The following BMPR1A variants were observed in gnomAD, a reference collection of about 807,000 sequenced individuals.
BMPR1A encodes bone morphogenetic protein receptor type-1A.
A neutral mutation model predicts 66.0 loss-of-function variants in BMPR1A; 7 were observed. The ratio of observed to expected loss-of-function variants is 0.11; its 90% CI spans 0.06 to 0.20. The LOEUF (loss-of-function observed/expected upper bound fraction) is 0.20. Ranked by LOEUF, BMPR1A falls within the 10% of genes least tolerant of loss-of-function variation. The pLI, the probability that BMPR1A is intolerant of heterozygous loss-of-function variation, is 1.00. For missense variants in BMPR1A, 408 were observed against 669.1 expected, an observed-to-expected ratio of 0.61 and a Z score of 4.31; for synonymous variants, 200 against 229.7, an observed-to-expected ratio of 0.87 and a Z score of 1.17.
At chr10:86,781,390 G>C (rs1841435228) in intron 1 of BMPR1A, among the ~76,000 whole-genome samples, 1 of 152,110 alleles carries the variant, frequency 6.6e-6, no homozygotes, top group African/African-American at 2.4e-5. Context: ...ATTAGTGTAT[G>C]TATCTGTTTT....
At chr10:86,760,193 T>TG (rs1298553424) in intron 1 of BMPR1A, among the ~76,000 whole-genome samples, 40 of 148,966 alleles carry the variant, frequency 2.7e-4, no homozygotes, top group African/African-American at 8.1e-4. Flanking sequence ...TACCTGTTTT[T>TG]TTTTTTTTTT....
intron 1 of BMPR1A, among the ~76,000 whole-genome samples, chr10:86,794,457 A>G (rs11202185): frequency 0.33 from 50,471 of 152,044 alleles, 9,547 homozygotes; most frequent in East Asian, 0.69. Context: ...ATTTCTACCA[A>G]TCTTTTTGTG....
At chr10:86,916,022 T>C (rs1043962320) in intron 8 of BMPR1A, among the ~76,000 whole-genome samples, 2 of 152,212 alleles carry the variant, frequency 1.3e-5, no homozygotes, top group African/African-American at 4.8e-5. Context: ...AAGTTATGAT[T>C]GTGTTAAGCG....
chr10:86,827,330 A>G (rs539233507), intron 1 of BMPR1A, among the ~76,000 whole-genome samples: 1 of 151,862 alleles, frequency 6.6e-6, no homozygotes, highest in Admixed American at 6.6e-5. Context: ...TTGAGATGTC[A>G]TTTATGTTGA....
rs11450437 is a variant in BMPR1A at position 86,925,721 on chromosome 10, C to CTTTTTTTTT, written c.*2011_*2019dup. On this transcript the variant is annotated 3_prime_UTR_variant, in exon 13 of 13. Transcript: ENST00000372037. ...CATAATCTTTAAAATCATTTGTCAT[C>CTTTTTTTTT]TTTTTTTTTTTTTTTTTGAGACGGA... is the stretch of plus-strand genomic sequence containing the variant. 4.4e-4 allele frequency: 51 copies of CTTTTTTTTT among 117,088 alleles called. 6 individuals carry two copies. The highest frequency in any genetic ancestry group is 2.0e-3 in the East Asian group (7 of 3,450). The allele number at this position is 117,088 out of a possible 1,614,324, so 7.3% of individuals were successfully genotyped here.
At chr10:86,879,199 A>C (rs956146522) in intron 3 of BMPR1A, among the ~76,000 whole-genome samples, 5 of 152,180 alleles carry the variant, frequency 3.3e-5, no homozygotes, top group African/African-American at 1.2e-4. Flanking sequence ...GGCTGCTGAG[A>C]GACTAGACAT....
At chr10:86,796,426 TACTA>T (rs1260285085) in intron 1 of BMPR1A, among the ~76,000 whole-genome samples, 1 of 152,084 alleles carries the variant, frequency 6.6e-6, no homozygotes, top group Non-Finnish European at 1.5e-5. Context: ...TCAATTTACT[TACTA>T]CCCTTCTGAA....
chr10:86,835,497 G>A (rs186147173), intron 1 of BMPR1A, among the ~76,000 whole-genome samples: 198 of 131,138 alleles, frequency 1.5e-3, no homozygotes, highest in African/African-American at 5.5e-3. Flanking sequence ...GTTGCAGTGA[G>A]CTGAGATCGT....
At chr10:86,886,175 C>T (rs1451580242) in intron 3 of BMPR1A, among the ~76,000 whole-genome samples, 1 of 152,160 alleles carries the variant, frequency 6.6e-6, no homozygotes, top group Non-Finnish European at 1.5e-5. Flanking sequence ...ATGTTCAGAA[C>T]TGACAGAAGG....
rs1196614869 is a variant in BMPR1A at position 86,841,221 on chromosome 10, C to CA, written c.-153+2248dup. 3.3e-5 allele frequency among the ~76,000 whole-genome samples: 5 copies of CA among 151,996 alleles called. No individual in the cohort carries two copies. The East Asian group carries it at 7.7e-4, about 23-fold the overall frequency. The stretch of plus-strand genomic sequence containing the variant: ...ATAAAAACAGGTTCCTAGCTATACT[C>CA]AAAAAATAGTCTTTCTAGGGTTGGA... On this transcript the variant is annotated intron_variant, in intron 2 of 12. Transcript: ENST00000372037.
chr10:86,926,918 G>C lies in BMPR1A; in HGVS notation c.*3199G>C. 5.2e-6 allele frequency: 1 copy of C among 192,228 alleles called. No individual in the cohort carries two copies. The highest frequency in any genetic ancestry group is 1.1e-5 in the Non-Finnish European group (1 of 92,052). The allele number at this position is 192,228 out of a possible 1,614,324, so 11.9% of individuals were successfully genotyped here. ...GGCACATTAGGGTTTCCTTCAGTTTGTTTATTCTAAGCTTTTACTGTGCTT... is the reference window on the plus strand; with the variant it reads ...GGCACATTAGGGTTTCCTTCAGTTTCTTTATTCTAAGCTTTTACTGTGCTT... On this transcript the variant is annotated 3_prime_UTR_variant, in exon 13 of 13. Coordinates refer to ENST00000372037, the MANE Select transcript of BMPR1A (RefSeq NM_004329.3).
chr10:86,822,447 T>C (rs1017016364), intron 1 of BMPR1A, among the ~76,000 whole-genome samples: 1 of 152,176 alleles, frequency 6.6e-6, no homozygotes, highest in Non-Finnish European at 1.5e-5. Flanking sequence ...ACAACCATTA[T>C]CACAGTCATG....
At chr10:86,851,203 G>T (rs1275954872) in intron 2 of BMPR1A, among the ~76,000 whole-genome samples, 3 of 152,150 alleles carry the variant, frequency 2.0e-5, no homozygotes, top group Non-Finnish European at 4.4e-5. Context: ...GTTACTGTAA[G>T]ATCTAGAGAT....
At chr10:86,819,587 C>T (rs1173691680) in intron 1 of BMPR1A, among the ~76,000 whole-genome samples, 2 of 152,220 alleles carry the variant, frequency 1.3e-5, no homozygotes, top group African/African-American at 4.8e-5. Context: ...GCGTGAGCCA[C>T]CGTGCCCGGC....
At chr10:86,798,235 A>G (rs1799004632) in intron 1 of BMPR1A, among the ~76,000 whole-genome samples, 1 of 152,114 alleles carries the variant, frequency 6.6e-6, no homozygotes, top group South Asian at 2.1e-4. Context: ...TTACTACCGT[A>G]TGACATTTTA....
At chr10:86,873,098 G>T (rs956210470) in intron 2 of BMPR1A, among the ~76,000 whole-genome samples, 1 of 152,152 alleles carries the variant, frequency 6.6e-6, no homozygotes, top group African/African-American at 2.4e-5. Context: ...GCTCTGCAGG[G>T]TGCCTTGGTT....
chr10:86,775,297 T>C (rs1327226843), intron 1 of BMPR1A, among the ~76,000 whole-genome samples: 1 of 152,244 alleles, frequency 6.6e-6, no homozygotes, highest in African/African-American at 2.4e-5. Flanking sequence ...GTCTGTTACA[T>C]CTGATAAAAC....
intron 1 of BMPR1A, among the ~76,000 whole-genome samples, chr10:86,835,195 A>G (rs1364317388): frequency 6.6e-6 from 1 of 151,020 alleles, no homozygotes; most frequent in African/African-American, 2.4e-5. Flanking sequence ...TGACCGTGCC[A>G]CTGCACTCCA....
intron 3 of BMPR1A, among the ~76,000 whole-genome samples, chr10:86,883,039 A>G (rs1185719158): frequency 6.6e-6 from 1 of 152,164 alleles, no homozygotes; most frequent in Non-Finnish European, 1.5e-5. Context: ...CTAAGTAGAG[A>G]GAATAATATA....
Sources: gnomAD v4.1 joint callset for allele counts (sites outside exome capture counted in the v4.1 genomes callset) on GRCh38, gnomAD v4.1.1 for gene constraint, MANE v1.5 for transcripts, NCBI Gene and HGNC (gene_info 2026-07-23, HGNC 2026-07-21) for gene names.